Variants in CNTNAP2 observed in about 807,000 individuals in gnomAD.
The protein encoded by CNTNAP2 is contactin associated protein 2, also known as contactin-associated protein-like 2.
In CNTNAP2, 98 loss-of-function variants were observed where a neutral mutation model predicts 155.2. The ratio of observed to expected loss-of-function variants is 0.63; its 90% CI spans 0.54 to 0.75. The LOEUF (loss-of-function observed/expected upper bound fraction) is 0.75, where lower values mean the gene tolerates loss of function less well. Ranked by LOEUF, CNTNAP2 falls within the 30% of genes least tolerant of loss-of-function variation. The pLI is 0.00. For synonymous variants in CNTNAP2, 651 were observed against 631.2 expected, an observed-to-expected ratio of 1.03 and a Z score of -0.47; for missense variants, 1,727 against 1,688.1, an observed-to-expected ratio of 1.02 and a Z score of -0.40.
Position 146,717,240 on chromosome 7 carries a change from A to G in CNTNAP2, c.98-57031A>G, listed in dbSNP as rs80143314. 1.5e-3 allele frequency among the ~76,000 whole-genome samples: 222 copies of G among 152,050 alleles called. 1 individual carries two copies. Among genetic ancestry groups the G allele is most frequent in the African/African-American group, 5.2e-3 (214 of 41,492 alleles). On this transcript the variant is annotated intron_variant, in intron 1 of 23. Transcript: ENST00000361727. ...AATGTTAAGCTATAATCTCACTTTC[A>G]GATTTAACCTAGTTTTCTTTGGGAG...
chr7:147,484,157 T>C (rs1348339191), intron 10 of CNTNAP2, among the ~76,000 whole-genome samples: 1 of 152,116 alleles, frequency 6.6e-6, no homozygotes, highest in Non-Finnish European at 1.5e-5. Context: ...CCACTCAAAT[T>C]TGGAGATGAA....
At chr7:147,802,150 G>A (rs1382031881) in intron 13 of CNTNAP2, among the ~76,000 whole-genome samples, 1 of 151,252 alleles carries the variant, frequency 6.6e-6, no homozygotes, top group Non-Finnish European at 1.5e-5. Context: ...GTCGCGGCCG[G>A]GCAGAGGCGC....
intron 18 of CNTNAP2, among the ~76,000 whole-genome samples, chr7:148,176,679 C>T (rs577086573): frequency 7.9e-4 from 121 of 152,304 alleles, no homozygotes; most frequent in Middle Eastern, 6.8e-3. Context: ...CTAGACCATG[C>T]AGGCAGTCTC....
chr7:146,297,020 C>A (rs1490473862), intron 1 of CNTNAP2, among the ~76,000 whole-genome samples: 1 of 151,332 alleles, frequency 6.6e-6, no homozygotes, highest in Non-Finnish European at 1.5e-5. Context: ...TTAATAGAAA[C>A]AATAGAAACA....
chr7:146,824,757 T>C (rs766499888), intron 2 of CNTNAP2, among the ~76,000 whole-genome samples: 30 of 152,140 alleles, frequency 2.0e-4, no homozygotes, highest in Non-Finnish European at 4.1e-4. Context: ...CAATTCTATT[T>C]TGGGGAATTA....
intron 13 of CNTNAP2, among the ~76,000 whole-genome samples, chr7:147,888,565 A>C (rs1799635359): frequency 6.6e-6 from 1 of 151,998 alleles, no homozygotes; most frequent in Non-Finnish European, 1.5e-5. Flanking sequence ...GACCAGAACC[A>C]AAAAAACATG....
intron 2 of CNTNAP2, among the ~76,000 whole-genome samples, chr7:146,785,492 C>T (rs1157426836): frequency 2.0e-5 from 3 of 152,120 alleles, no homozygotes; most frequent in South Asian, 2.1e-4. Flanking sequence ...TTATTTACTG[C>T]ATATATTATT....
At chr7:147,857,793 G>A (rs541361933) in intron 13 of CNTNAP2, among the ~76,000 whole-genome samples, 7 of 152,290 alleles carry the variant, frequency 4.6e-5, no homozygotes, top group East Asian at 3.9e-4. Context: ...AGAAAAATTC[G>A]TAAATCTCTA....
In CNTNAP2 at chr7:147,849,498, A is replaced by T. The variant is rs773995888; in HGVS notation, c.2099-54067A>T. Among the ~76,000 whole-genome samples the T allele has an allele frequency of 2.2e-4, 34 of 152,232 alleles. 1 individual carries two copies. The highest frequency in any genetic ancestry group is 8.8e-5 in the Non-Finnish European group (6 of 68,050). On this transcript the variant is annotated intron_variant, in intron 13 of 23. Coordinates refer to ENST00000361727, the MANE Select transcript of CNTNAP2 (RefSeq NM_014141.6). ...CATCTTATCTGTCCCCTTCTGAAGT[A>T]ATCTTGTCATTATGTAAATACCTAT...
At chr7:146,575,733 G>A (rs984364872) in intron 1 of CNTNAP2, among the ~76,000 whole-genome samples, 1 of 152,154 alleles carries the variant, frequency 6.6e-6, no homozygotes, top group Non-Finnish European at 1.5e-5. Flanking sequence ...TATTACCAAT[G>A]TCTCTAAGGC....
At chr7:146,731,261 C>A (rs866406319) in intron 1 of CNTNAP2, among the ~76,000 whole-genome samples, 3 of 152,042 alleles carry the variant, frequency 2.0e-5, no homozygotes, top group Admixed American at 6.6e-5. Context: ...TCTCACAGTG[C>A]GGCTGGATGA....
intron 1 of CNTNAP2, among the ~76,000 whole-genome samples, chr7:146,662,181 G>A (rs2533088): frequency 0.75 from 113,776 of 151,576 alleles, 43,423 homozygotes; most frequent in South Asian, 0.89. Flanking sequence ...TTTGTCACCC[G>A]GGCTGGAGTG....
At chr7:146,651,329 A>G (rs902973689) in intron 1 of CNTNAP2, among the ~76,000 whole-genome samples, 6 of 152,312 alleles carry the variant, frequency 3.9e-5, no homozygotes, top group African/African-American at 1.2e-4. Flanking sequence ...AACCCTTAAC[A>G]GGTTGGAAAC....
In CNTNAP2 at chr7:146,925,055, T is replaced by A. The variant is rs189401188; in HGVS notation, c.402+85151T>A. 5.9e-5 allele frequency among the ~76,000 whole-genome samples: 9 copies of A among 152,230 alleles called. No homozygotes were observed. In the East Asian group the frequency reaches 1.7e-3, roughly 29 times the overall value. ...TCAGCCTCACACACCACTCTTTGGATGGTTGTAAGTTCTAGTAGAAGTACA... is the reference window on the plus strand; with the variant it reads ...TCAGCCTCACACACCACTCTTTGGAAGGTTGTAAGTTCTAGTAGAAGTACA... On this transcript the variant is annotated intron_variant, in intron 3 of 23. Transcript: ENST00000361727.
rs548872221 is a variant in CNTNAP2, at chr7:148,061,949, A to G, written c.2384-56169A>G. On this transcript the variant is annotated intron_variant, in intron 15 of 23. Coordinates refer to ENST00000361727, the MANE Select transcript of CNTNAP2 (RefSeq NM_014141.6). Reference sequence around the variant, plus strand: ...GATAGATAGATAGATAGATAGATAAACAGATATAGATAGATAGATAGATAG... The same window carrying G: ...GATAGATAGATAGATAGATAGATAAGCAGATATAGATAGATAGATAGATAG... Among the ~76,000 whole-genome samples, 53 of 126,718 alleles carry G rather than the reference A, an allele frequency of 4.2e-4. 1 individual carries two copies. Among genetic ancestry groups the G allele is most frequent in the South Asian group, 2.3e-3 (9 of 3,870 alleles). 83.1% of individuals were successfully genotyped at this position (126,718 alleles called of 152,430 possible). A position where few individuals can be genotyped will look rare whatever the true frequency, so the allele number is the denominator to read the frequency against.
intron 3 of CNTNAP2, among the ~76,000 whole-genome samples, chr7:147,007,852 AT>A (rs1267996229): frequency 2.6e-5 from 4 of 152,270 alleles, no homozygotes; most frequent in East Asian, 3.9e-4. Flanking sequence ...TACAAAAAAA[AT>A]ACTTATTTCC....
intron 11 of CNTNAP2, among the ~76,000 whole-genome samples, chr7:147,531,308 CCCA>C (rs1281356558): frequency 6.6e-6 from 1 of 152,224 alleles, no homozygotes; most frequent in Non-Finnish European, 1.5e-5. Flanking sequence ...GGACTCCAAC[CCCA>C]CATTTCCCTT....
chr7:147,875,758 T>C (rs1799411488), intron 13 of CNTNAP2, among the ~76,000 whole-genome samples: 1 of 152,126 alleles, frequency 6.6e-6, no homozygotes, highest in Non-Finnish European at 1.5e-5. Flanking sequence ...TAAATAATTA[T>C]GGTTTTAAAA....
chr7:146,954,985 T>C (rs946764741), intron 3 of CNTNAP2, among the ~76,000 whole-genome samples: 1 of 151,884 alleles, frequency 6.6e-6, no homozygotes, highest in African/African-American at 2.4e-5. Context: ...CCTTTTGCAG[T>C]GGGAAACAAA....
Sources: allele counts gnomAD v4.1 joint callset (sites outside exome capture counted in the v4.1 genomes callset), GRCh38; gene constraint gnomAD v4.1.1; transcripts MANE v1.5; gene names NCBI Gene and HGNC (gene_info 2026-07-23, HGNC 2026-07-21).